Variants in CELA3A observed in about 807,000 individuals in gnomAD.
CELA3A encodes chymotrypsin like elastase 3A.
In CELA3A, 35 loss-of-function variants were observed where a neutral mutation model predicts 38.6. The ratio of observed to expected loss-of-function variants is 0.91; its 90% CI spans 0.69 to 1.20. The LOEUF is 1.20. CELA3A is among the 50% of genes most tolerant of loss of function. The pLI is 0.00. For synonymous variants in CELA3A, 143 were observed against 136.7 expected (o/e 1.05, Z -0.32); for missense variants, 343 against 354.2 (o/e 0.97, Z 0.25).
chr1:22,011,074 G>A (rs1171032038), intron 7 of CELA3A: 1 of 151,718 alleles, frequency 6.6e-6, no homozygotes, highest in Non-Finnish European at 1.5e-5. Flanking sequence ...AAGTCATGAA[G>A]CCTTCCAATA....
chr1:22,002,961 G>A, intron 1 of CELA3A, 42 bp from the exon 2 acceptor site: 1 of 1,552,370 alleles, frequency 6.4e-7, no homozygotes, highest in Non-Finnish European at 8.8e-7. Flanking sequence ...CTTTGCTTTT[G>A]GGGACCCTCC....
intron 6 of CELA3A, among the ~76,000 whole-genome samples, chr1:22,009,016 G>A (rs1644967890): frequency 6.6e-6 from 1 of 151,680 alleles, no homozygotes; most frequent in East Asian, 1.9e-4. Flanking sequence ...CCGGCAGGTG[G>A]ATCACCTGAG....
intron 2 of CELA3A, among the ~76,000 whole-genome samples, chr1:22,004,905 G>C (rs1412179260): frequency 2.0e-5 from 3 of 151,188 alleles, no homozygotes; most frequent in African/African-American, 7.4e-5. Flanking sequence ...CTCGAGACCA[G>C]CCTGGCCAAC....
In CELA3A at chr1:22,007,501, C is replaced by A. The variant is rs149807589; in HGVS notation, c.628C>A (p.Arg210Ser). 1 of 1,610,262 alleles carries A rather than the reference C, an allele frequency of 6.2e-7. No individual in the cohort carries two copies. ...CATGGTGTGTGCTGGAGGGTACATCCGCTCCGGCTGCAACGTGAGTCAGCT... is the reference window on the plus strand; with the variant it reads ...CATGGTGTGTGCTGGAGGGTACATCAGCTCCGGCTGCAACGTGAGTCAGCT... The part of the protein sequence containing the change: ...KTMVCAGGYI[R>S]SGCNGDSGGP... The change falls in exon 6 of 8, where the codon CGC becomes AGC. Residue 210 changes from arginine to serine, a missense_variant. Physicochemically the swap from Arg to Ser is moderately radical, Grantham distance 110. Coordinates refer to ENST00000290122, the MANE Select transcript of CELA3A (RefSeq NM_005747.5).
Position 22,009,826 on chromosome 1 carries a change from G to A in CELA3A, c.764G>A (p.Arg255Gln), listed in dbSNP as rs202213007. The change falls in exon 7 of 8, where the codon CGA (arginine) becomes CAA (glutamine). Residue 255 changes from arginine to glutamine, a missense_variant. By Grantham distance (43) the Arg-to-Gln change is conservative. Coordinates refer to ENST00000290122, the MANE Select transcript of CELA3A (RefSeq NM_005747.5). Reference sequence around the variant, plus strand: ...ATCTGGAAGCCCACGGTGTTCACTCGAGTCTCCGCCTTCATCGACTGGATT... The same window carrying A: ...ATCTGGAAGCCCACGGTGTTCACTCAAGTCTCCGCCTTCATCGACTGGATT... The part of the protein sequence containing the change: ...NFIWKPTVFT[R>Q]VSAFIDWIEE... 11 of 1,612,558 alleles carry A rather than the reference G, an allele frequency of 6.8e-6. No individual in the cohort carries two copies. The highest frequency in any genetic ancestry group is 2.2e-5 in the East Asian group (1 of 44,656).
At chr1:22,003,553 C>T (rs1446181297) in intron 2 of CELA3A, among the ~76,000 whole-genome samples, 34 of 150,592 alleles carry the variant, frequency 2.3e-4, no homozygotes, top group African/African-American at 8.4e-4. Flanking sequence ...CGGTGGCTCA[C>T]GCCTGTAATC....
chr1:22,006,888 G>A lies in CELA3A; in HGVS notation c.373G>A (p.Ala125Thr), dbSNP rs1470126612. The change falls in exon 5 of 8, where the codon GCC (alanine) becomes ACC (threonine). Residue 125 changes from alanine (A) to threonine (T), a missense_variant. Transcript: ENST00000290122. ...TTCCCTCCTCCCCAGCAATGACATC[G>A]CCCTCATCAAGCTCTCACGCAGCGC... ...RSCVACGNDI[A>T]LIKLSRSAQL... is the part of the protein sequence containing the mutation. The A allele has an allele frequency of 8.1e-6, 13 of 1,611,970 alleles. No individual in the cohort carries two copies. Among genetic ancestry groups the A allele is most frequent in the East Asian group, 4.5e-5 (2 of 44,686 alleles).
intron 4 of CELA3A, 164 bp downstream of exon 4, chr1:22,005,960 T>A: frequency 1.6e-6 from 2 of 1,264,234 alleles, no homozygotes; most frequent in Non-Finnish European, 2.2e-6. Flanking sequence ...TCCCACACAC[T>A]GAGGATTGAA....
In CELA3A at chr1:22,009,655, C is replaced by T. The variant is rs375820431; in HGVS notation, c.643-50C>T. Reference sequence around the variant, plus strand: ...AATCCCTAGAATTCAGAACCAGTTCCGTAAACCTCAGACATGGCTCAGCCA... The same window carrying T: ...AATCCCTAGAATTCAGAACCAGTTCTGTAAACCTCAGACATGGCTCAGCCA... On this transcript the variant is annotated intron_variant, in intron 6 of 7. Coordinates refer to ENST00000290122, the MANE Select transcript of CELA3A (RefSeq NM_005747.5). 48 of 1,591,540 alleles carry T rather than the reference C, an allele frequency of 3.0e-5. 1 individual carries two copies. The highest frequency in any genetic ancestry group is 2.7e-4 in the East Asian group (12 of 44,270).
Position 22,008,525 on chromosome 1 carries a change from C to G in CELA3A, c.642+1010C>G, listed in dbSNP as rs919965118. Among the ~76,000 whole-genome samples the G allele has an allele frequency of 1.5e-4, 22 of 150,084 alleles. 1 individual carries two copies. The highest frequency in any genetic ancestry group is 2.7e-4 in the Non-Finnish European group (18 of 67,526). On this transcript the variant is annotated intron_variant, in intron 6 of 7. Transcript: ENST00000290122. ...CTGTAATCCCAGCACTTTGGGAGGCCGAGCCGGGCGGATCACGAGGTCAGG... is the reference window on the plus strand; with the variant it reads ...CTGTAATCCCAGCACTTTGGGAGGCGGAGCCGGGCGGATCACGAGGTCAGG...
rs1477870468 is a variant in CELA3A at position 22,011,935 on chromosome 1, C to A, written c.796-515C>A. 2.4e-5 allele frequency among the ~76,000 whole-genome samples: 3 copies of A among 126,526 alleles called. 1 individual carries two copies. Among genetic ancestry groups the A allele is most frequent in the Admixed American group, 8.9e-5 (1 of 11,210 alleles). The allele number at this position is 126,526 out of a possible 152,430, so 83.0% of individuals were successfully genotyped here. A position where few individuals can be genotyped will look rare whatever the true frequency, so the allele number is the denominator to read the frequency against. On this transcript the variant is annotated intron_variant, in intron 7 of 7. Transcript: ENST00000290122. The stretch of plus-strand genomic sequence containing the variant: ...AGGCATGGTGGCGTACGCCTGTAGT[C>A]CCAGCTACTTGGGAGGCTGAGGAAG...
intron 7 of CELA3A, chr1:22,010,317 C>CAAAA: frequency 3.0e-6 from 1 of 332,804 alleles, no homozygotes; most frequent in South Asian, 2.4e-5. Flanking sequence ...AGCTAAACAA[C>CAAAA]AAAAAAAAAG....
At chr1:22,011,260 G>A (rs899469536) in intron 7 of CELA3A, among the ~76,000 whole-genome samples, 15 of 148,180 alleles carry the variant, frequency 1.0e-4, no homozygotes, top group African/African-American at 3.8e-4. Flanking sequence ...GCATGCCTGT[G>A]GTCCCAGCTA....
intron 5 of CELA3A, 69 bp from the exon 6 acceptor site, chr1:22,007,304 G>T (rs1480878851): frequency 6.5e-7 from 1 of 1,535,544 alleles, no homozygotes; most frequent in East Asian, 2.3e-5. Context: ...GGCCTTGAAT[G>T]CCCCCTTCCT....
chr1:22,007,462 A>T lies in CELA3A; in HGVS notation c.589A>T (p.Thr197Ser), dbSNP rs774620121. The T allele has an allele frequency of 7.1e-5, 115 of 1,612,270 alleles. 4 individuals are homozygous for T. Among genetic ancestry groups the T allele is most frequent in the Non-Finnish European group, 8.4e-5 (99 of 1,179,344 alleles). ...CTCCAGGTGGAACTGGTGGGGTTCC[A>T]CCGTGAAGAAAACCATGGTGTGTGC... ...HCSRWNWWGS[T>S]VKKTMVCAGG... Residue 197 changes from threonine (T) to serine (S), a missense_variant, in exon 6 of 8, where the codon ACC becomes TCC. Transcript: ENST00000290122.
At chr1:22,007,073 G>A in intron 5 of CELA3A, 59 bp downstream of exon 5, 9 of 1,593,072 alleles carry the variant, frequency 5.6e-6, no homozygotes, top group Non-Finnish European at 7.7e-6. Context: ...AGGGCCTGGG[G>A]GCTGCAGGTT....
At chr1:22,009,140 C>A (rs182465934) in intron 6 of CELA3A, among the ~76,000 whole-genome samples, 2,403 of 151,116 alleles carry the variant, frequency 0.016, 76 homozygotes, top group South Asian at 0.036. Flanking sequence ...CTGAGGCGGG[C>A]GGATCACGTG....
intron 2 of CELA3A, 106 bp downstream of exon 2, chr1:22,003,194 C>T (rs4381156): frequency 0.038 from 43,811 of 1,140,978 alleles, 4,700 homozygotes; most frequent in African/African-American, 0.36. Flanking sequence ...GCAATGTCCA[C>T]TTCAGCTTCC....
chr1:22,009,038 G>A (rs1644967981), intron 6 of CELA3A, among the ~76,000 whole-genome samples: 1 of 151,638 alleles, frequency 6.6e-6, no homozygotes, highest in South Asian at 2.1e-4. Context: ...TCAGGACTTT[G>A]AGACTAACCT....
Sources: allele counts gnomAD v4.1 joint callset (sites outside exome capture counted in the v4.1 genomes callset), GRCh38; gene constraint gnomAD v4.1.1; transcripts MANE v1.5; gene names NCBI Gene and HGNC (gene_info 2026-07-23, HGNC 2026-07-21).